The following ZNF585B variants were observed in gnomAD, a reference collection of about 807,000 sequenced individuals.
The protein encoded by ZNF585B is zinc finger protein 585B.
A neutral mutation model predicts 14.0 loss-of-function variants in ZNF585B; 7 were observed. The observed-to-expected ratio is 0.50, with a 90% CI of 0.28 to 0.94. The LOEUF (loss-of-function observed/expected upper bound fraction) is 0.94, where lower values mean the gene tolerates loss of function less well. Ranked by LOEUF, ZNF585B falls within the 40% of genes least tolerant of loss-of-function variation. The pLI, the probability that ZNF585B is intolerant of heterozygous loss-of-function variation, is 0.09. For missense variants in ZNF585B, 750 were observed against 924.4 expected (o/e 0.81, Z 2.45); for synonymous variants, 290 against 317.3 (o/e 0.91, Z 0.91).
rs1972310344 is a variant in ZNF585B, at chr19:37,184,590, G to A, written c.*637C>T. The A allele has an allele frequency of 6.2e-6, 1 of 160,764 alleles. No individual in the cohort carries two copies. The highest frequency in any genetic ancestry group is 6.5e-5 in the Admixed American group (1 of 15,462). 10.0% of individuals were successfully genotyped at this position (160,764 alleles called of 1,614,324 possible). On this transcript the variant is annotated 3_prime_UTR_variant, in exon 5 of 5. Transcript: ENST00000532828. Reference sequence around the variant, plus strand: ...ACCTGTGGGGCTCAGAGAGAGTCCTGGCAGATAATGAAGGGGACTGTAAGT... The same window carrying A: ...ACCTGTGGGGCTCAGAGAGAGTCCTAGCAGATAATGAAGGGGACTGTAAGT...
At position 37,184,481 on chromosome 19, in the gene ZNF585B, AAAGAAAGAAAG is replaced by A. The variant is rs1158834920; in HGVS notation, c.*735_*745del. 8.1e-5 allele frequency: 10 copies of A among 123,016 alleles called. No individual in the cohort carries two copies. Among genetic ancestry groups the A allele is most frequent in the Non-Finnish European group, 1.6e-4 (9 of 57,512 alleles). The allele number at this position is 123,016 out of a possible 1,614,324, so 7.6% of individuals were successfully genotyped here. On this transcript the variant is annotated 3_prime_UTR_variant, in exon 5 of 5. Coordinates refer to ENST00000532828, the MANE Select transcript of ZNF585B (RefSeq NM_152279.4). ...GAAAGAAAGAAAGAAAGAAAGAAAGAAAGAAAGAAAGAAAGAAAGAAAGAGAAAGAAAGAAA... is the reference window on the plus strand; with the variant it reads ...GAAAGAAAGAAAGAAAGAAAGAAAGAAAAGAAAGAAAGAGAAAGAAAGAAA...
chr19:37,186,537 C>T lies in ZNF585B; in HGVS notation c.1000G>A (p.Val334Ile), dbSNP rs2145430545. The T allele has an allele frequency of 6.2e-7, 1 of 1,614,212 alleles. No individual in the cohort carries two copies. The highest frequency in any genetic ancestry group is 2.2e-5 in the East Asian group (1 of 44,878). ...KPYICTEYGK[V>I]FSNNSNLITH... ...ATGAGGTTGGAATTATTGCTGAAGACCTTCCCATATTCGGTACATATATAG... is the reference window on the plus strand; with the variant it reads ...ATGAGGTTGGAATTATTGCTGAAGATCTTCCCATATTCGGTACATATATAG... Residue 334 changes from valine to isoleucine, a missense_variant, in exon 5 of 5, where the codon GTC (valine) becomes ATC (isoleucine). By Grantham distance (29) the Val-to-Ile change is conservative. Around this residue, in one of 2 missense-constraint regions of ZNF585B, gnomAD observed 517 missense variants for 570.3 expected, o/e 0.91. Coordinates refer to ENST00000532828, the MANE Select transcript of ZNF585B (RefSeq NM_152279.4).
rs745540849 is a variant in ZNF585B at position 37,190,062 on chromosome 19, T to A, written c.161A>T (p.Asp54Val). The A allele has an allele frequency of 2.5e-6, 4 of 1,614,100 alleles. No homozygotes were observed. The highest frequency in any genetic ancestry group is 1.3e-5 in the African/African-American group (1 of 75,016). ...LDLSQRNLYR[D>V]VMLETYSHLL... ...GTGGCTGTAGGTCTCCAGCATCACA[T>A]CCCGGTACAGGTTTCTCTGAGAAAG... is the stretch of plus-strand genomic sequence containing the variant. The change falls in exon 3 of 5, where the codon GAT (aspartate) becomes GTT (valine). Residue 54 changes from aspartate to valine, a missense_variant. Physicochemically the swap from Asp to Val is radical, Grantham distance 152 (BLOSUM62 -3). Coordinates refer to ENST00000532828, the MANE Select transcript of ZNF585B (RefSeq NM_152279.4).
At chr19:37,196,226 T>G (rs1972464228) in intron 2 of ZNF585B, among the ~76,000 whole-genome samples, 1 of 152,102 alleles carries the variant, frequency 6.6e-6, no homozygotes, top group Admixed American at 6.6e-5. Context: ...CAACAAAATA[T>G]CAGCAAACAA....
At chr19:37,204,455 C>G (rs1972564528) in intron 2 of ZNF585B, among the ~76,000 whole-genome samples, 1 of 152,252 alleles carries the variant, frequency 6.6e-6, no homozygotes, top group East Asian at 1.9e-4. Flanking sequence ...CTCTGACCAT[C>G]ATGGTGTAAG....
intron 2 of ZNF585B, chr19:37,198,868 G>C: frequency 2.4e-6 from 2 of 838,070 alleles, no homozygotes; most frequent in Non-Finnish European, 3.5e-6. Context: ...GCATGCAGAT[G>C]GAAGTGGAAA....
Position 37,186,175 on chromosome 19 carries a change from A to G in ZNF585B, c.1362T>C (p.His454=). The change falls in exon 5 of 5, where the codon CAT becomes CAC. Residue 454 remains histidine, a synonymous_variant. Transcript: ENST00000532828. ...CTCCTGTGTGAATTCGTTTATGAAC[A>G]TGGAGTTGTGACTTGGAAGTAAACA... ...GKLFTSKSQL[H]VHKRIHTGEK... 5.6e-6 allele frequency: 9 copies of G among 1,614,204 alleles called. No homozygotes were observed. The highest frequency in any genetic ancestry group is 2.2e-5 in the East Asian group (1 of 44,886).
In ZNF585B at chr19:37,186,071, G is replaced by A. The variant is rs1333411326; in HGVS notation, c.1466C>T (p.Thr489Ile). Residue 489 changes from threonine to isoleucine, a missense_variant, in exon 5 of 5, where the codon ACA becomes ATA. By Grantham distance (89) the Thr-to-Ile change is moderately conservative. Transcript: ENST00000532828. Reference protein sequence around the residue: ...SNLITHQKTHTGEKSYICSKC... With the variant: ...SNLITHQKTHIGEKSYICSKC... ...GGAACATATATAAGATTTCTCTCCTGTATGAGTTTTCTGATGTGTAATGAG... is the reference window on the plus strand; with the variant it reads ...GGAACATATATAAGATTTCTCTCCTATATGAGTTTTCTGATGTGTAATGAG... The A allele has an allele frequency of 1.9e-6, 3 of 1,613,956 alleles. No homozygotes were observed. The highest frequency in any genetic ancestry group is 8.5e-7 in the Non-Finnish European group (1 of 1,179,984).
rs1476768696 is a variant in ZNF585B at position 37,189,725 on chromosome 19, G to A, written c.228C>T (p.Val76=). Residue 76 remains valine (V), a synonymous_variant, in exon 4 of 5, where the codon GTC becomes GTT. Coordinates refer to ENST00000532828, the MANE Select transcript of ZNF585B (RefSeq NM_152279.4). The stretch of plus-strand genomic sequence containing the variant: ...ATGGTTCCTTTCCTTGCTCCAACAT[G>A]ACCACCTCTGGTTTAGGAACTTGAT... ...VGYQVPKPEV[V]MLEQGKEPWA... 1 of 1,613,938 alleles carries A rather than the reference G, an allele frequency of 6.2e-7. No individual in the cohort carries two copies. The highest frequency in any genetic ancestry group is 1.1e-5 in the South Asian group (1 of 91,026).
At chr19:37,202,767 T>G (rs1972544322) in intron 2 of ZNF585B, among the ~76,000 whole-genome samples, 1 of 151,576 alleles carries the variant, frequency 6.6e-6, no homozygotes, top group Non-Finnish European at 1.5e-5. Context: ...CTCAGCCTCC[T>G]GAGTAGCTGG....
Position 37,190,131 on chromosome 19 carries a change from T to G in ZNF585B, c.92A>C (p.Asp31Ala), listed in dbSNP as rs1431825213. Reference sequence around the variant, plus strand: ...CTCTCTGCTGAAATCGATAGCCACATCCCTGAAGGACACTGATCCCTGTAA... The same window carrying G: ...CTCTCTGCTGAAATCGATAGCCACAGCCCTGAAGGACACTGATCCCTGTAA... ...SSYEGSVSFRDVAIDFSREEW... is the reference protein window; with the variant it reads ...SSYEGSVSFRAVAIDFSREEW... The change falls in exon 3 of 5, where the codon GAT (aspartate) becomes GCT (alanine). Residue 31 changes from aspartate (D) to alanine (A), a missense_variant. Asp to Ala is a moderately radical substitution (Grantham distance 126). Coordinates refer to ENST00000532828, the MANE Select transcript of ZNF585B (RefSeq NM_152279.4). 5 of 1,614,136 alleles carry G rather than the reference T, an allele frequency of 3.1e-6. No homozygotes were observed. The highest frequency in any genetic ancestry group is 4.2e-6 in the Non-Finnish European group (5 of 1,180,008).
chr19:37,206,978 G>A, intron 2 of ZNF585B, 62 bp downstream of exon 2: 2 of 1,601,402 alleles, frequency 1.2e-6, no homozygotes, highest in Non-Finnish European at 1.7e-6. Flanking sequence ...AGGCTGTGGT[G>A]ACAGATTAGA....
chr19:37,192,506 C>CAAA (rs373034059), intron 2 of ZNF585B, among the ~76,000 whole-genome samples: 23 of 127,856 alleles, frequency 1.8e-4, no homozygotes, highest in African/African-American at 6.2e-4. Flanking sequence ...GAACCTGTCT[C>CAAA]AAAAAAAAAA....
chr19:37,184,496 G>GA lies in ZNF585B; in HGVS notation c.*730dup. ...AGAAAGAAAGAAAGAAAGAAAGAAA[G>GA]AAAGAAAGAGAAAGAAAGAAAGAAA... On this transcript the variant is annotated 3_prime_UTR_variant, in exon 5 of 5. Coordinates refer to ENST00000532828, the MANE Select transcript of ZNF585B (RefSeq NM_152279.4). 1.1e-5 allele frequency: 1 copy of GA among 91,456 alleles called. No homozygotes were observed. The highest frequency in any genetic ancestry group is 4.6e-5 in the African/African-American group (1 of 21,768). The allele number at this position is 91,456 out of a possible 1,614,324, so 5.7% of individuals were successfully genotyped here.
At chr19:37,189,894 C>T in intron 3 of ZNF585B, 130 bp downstream of exon 3, 1 of 1,558,552 alleles carries the variant, frequency 6.4e-7, no homozygotes, top group Non-Finnish European at 8.7e-7. Flanking sequence ...GTACCCTAAA[C>T]AAACAGAGAA....
intron 1 of ZNF585B, among the ~76,000 whole-genome samples, chr19:37,208,348 T>C (rs954008631): frequency 1.1e-4 from 17 of 152,162 alleles, no homozygotes; most frequent in African/African-American, 3.9e-4. Flanking sequence ...CCCCTAAGGA[T>C]ATTAAAATAA....
chr19:37,191,797 G>A (rs1972403600), intron 2 of ZNF585B, among the ~76,000 whole-genome samples: 1 of 152,158 alleles, frequency 6.6e-6, no homozygotes, highest in South Asian at 2.1e-4. Context: ...ACTTTGGGAC[G>A]CCGAGGTAGG....
At position 37,208,917 on chromosome 19, in the gene ZNF585B, G is replaced by C. The variant is rs565885265; in HGVS notation, c.-144+1524C>G. Among the ~76,000 whole-genome samples, 43 of 152,042 alleles carry C rather than the reference G, an allele frequency of 2.8e-4. 1 individual carries two copies. In the South Asian group the frequency reaches 8.7e-3, roughly 31 times the overall value. ...TAAGACAGGAGAATAGCTTGAACCA[G>C]GGAAGCAGAGGTTGCAATGAGCGGA... On this transcript the variant is annotated intron_variant, in intron 1 of 4. Coordinates refer to ENST00000532828, the MANE Select transcript of ZNF585B (RefSeq NM_152279.4).
chr19:37,200,903 C>T (rs1462371937), intron 2 of ZNF585B, among the ~76,000 whole-genome samples: 2 of 151,736 alleles, frequency 1.3e-5, no homozygotes, highest in African/African-American at 4.8e-5. Flanking sequence ...CCATCCTGCC[C>T]AACGTGGTGA....
Sources: gnomAD v4.1 joint callset for allele counts (sites outside exome capture counted in the v4.1 genomes callset) on GRCh38, gnomAD v4.1.1 for gene constraint, gnomAD v4.1.1 regional missense constraint, MANE v1.5 for transcripts, NCBI Gene and HGNC (gene_info 2026-07-23, HGNC 2026-07-21) for gene names.